FAR2: variants seen among roughly 807,000 people sequenced by gnomAD.
FAR2 encodes epididymis secretory protein Li 81.
FAR2 carries 19 observed loss-of-function variants against 56.0 expected under a neutral mutation model. The observed-to-expected ratio is 0.34, with a 90% CI of 0.24 to 0.50. The LOEUF (loss-of-function observed/expected upper bound fraction) is 0.50, where lower values mean the gene tolerates loss of function less well. Ranked by LOEUF, FAR2 falls within the 20% of genes least tolerant of loss-of-function variation. FAR2 has a pLI of 0.98. For synonymous variants in FAR2, 219 were observed against 218.8 expected (o/e 1.00, Z -0.01); for missense variants, 508 against 642.2 (o/e 0.79, Z 2.26).
chr12:29,321,639 G>C (rs1334684827), intron 9 of FAR2, among the ~76,000 whole-genome samples, 156 bp from the exon 10 acceptor site: 2 of 151,850 alleles, frequency 1.3e-5, no homozygotes, highest in African/African-American at 4.9e-5. Context: ...TGAATAGAGA[G>C]TTAATGTGGA....
intron 1 of FAR2, among the ~76,000 whole-genome samples, chr12:29,163,800 T>A (rs1213446520): frequency 6.6e-6 from 1 of 152,226 alleles, no homozygotes; most frequent in East Asian, 1.9e-4. Context: ...TTCCATCATT[T>A]TATTTCAGTG....
intron 10 of FAR2, among the ~76,000 whole-genome samples, chr12:29,326,145 A>T (rs1188130809): frequency 6.6e-6 from 1 of 152,156 alleles, no homozygotes; most frequent in Non-Finnish European, 1.5e-5. Flanking sequence ...TAAACTAGAA[A>T]ATCTAGAAGA....
At chr12:29,285,003 G>A (rs577314607) in intron 2 of FAR2, among the ~76,000 whole-genome samples, 29 of 152,092 alleles carry the variant, frequency 1.9e-4, no homozygotes, top group Middle Eastern at 6.8e-3. Context: ...CACCACGCCC[G>A]GCTAATTTTT....
intron 2 of FAR2, among the ~76,000 whole-genome samples, chr12:29,286,073 A>G (rs906348571): frequency 2.8e-4 from 43 of 151,244 alleles, no homozygotes; most frequent in Admixed American, 5.9e-4. Context: ...AGACACACAC[A>G]CACACACACA....
intron 1 of FAR2, among the ~76,000 whole-genome samples, chr12:29,210,077 G>A (rs1036404918): frequency 2.4e-4 from 37 of 151,982 alleles, no homozygotes; most frequent in African/African-American, 8.0e-4. Flanking sequence ...GTGTGGTGGC[G>A]TGCACCTGTA....
intron 2 of FAR2, chr12:29,292,415 T>C (rs1948984500): frequency 6.6e-6 from 1 of 152,192 alleles, no homozygotes; most frequent in South Asian, 2.1e-4. Flanking sequence ...GAGAAAATTA[T>C]ACAAATTTTA....
At chr12:29,307,970 A>G (rs2288126) in intron 5 of FAR2, 135 bp downstream of exon 5, 11,023 of 933,456 alleles carry the variant, frequency 0.012, 227 homozygotes, top group East Asian at 0.095. Flanking sequence ...TGAACCCATT[A>G]TACTAGGGCA....
In FAR2 at chr12:29,334,198, A is replaced by G. The variant is rs1448227902; in HGVS notation, c.*404A>G. On this transcript the variant is annotated 3_prime_UTR_variant, in exon 12 of 12. Coordinates refer to ENST00000536681, the MANE Select transcript of FAR2 (RefSeq NM_001271783.2). Reference sequence around the variant, plus strand: ...TACTAACCTTGGAACCATTCTGGGTACCCAAAAGAAAAATTTAAAATCAAG... The same window carrying G: ...TACTAACCTTGGAACCATTCTGGGTGCCCAAAAGAAAAATTTAAAATCAAG... 6.5e-6 allele frequency: 1 copy of G among 153,346 alleles called. No individual in the cohort carries two copies. Among genetic ancestry groups the G allele is most frequent in the Non-Finnish European group, 1.5e-5 (1 of 68,838 alleles). The allele number at this position is 153,346 out of a possible 1,614,324, so 9.5% of individuals were successfully genotyped here.
At chr12:29,250,750 A>G (rs1948195657) in intron 1 of FAR2, among the ~76,000 whole-genome samples, 1 of 152,200 alleles carries the variant, frequency 6.6e-6, no homozygotes, top group Non-Finnish European at 1.5e-5. Context: ...GAAGTCCTAC[A>G]TATAGTGAAT....
intron 1 of FAR2, among the ~76,000 whole-genome samples, chr12:29,261,336 A>G (rs543542418): frequency 5.9e-5 from 9 of 152,342 alleles, no homozygotes; most frequent in Non-Finnish European, 1.3e-4. Flanking sequence ...GATCCAGCAG[A>G]AGAAAGAACT....
At chr12:29,228,980 A>C (rs913090207) in intron 1 of FAR2, among the ~76,000 whole-genome samples, 1 of 152,186 alleles carries the variant, frequency 6.6e-6, no homozygotes, top group Non-Finnish European at 1.5e-5. Context: ...GCAGAAACCC[A>C]GCAATGTTCT....
chr12:29,165,775 C>G (rs1949820779), intron 1 of FAR2, among the ~76,000 whole-genome samples: 1 of 152,142 alleles, frequency 6.6e-6, no homozygotes, highest in Non-Finnish European at 1.5e-5. Flanking sequence ...AGGAAATTAG[C>G]TGTTGAGGTT....
At chr12:29,233,604 T>A (rs996673373) in intron 1 of FAR2, among the ~76,000 whole-genome samples, 8 of 152,240 alleles carry the variant, frequency 5.3e-5, no homozygotes, top group Non-Finnish European at 1.0e-4. Context: ...CATAGGTTAA[T>A]GCTTGAACTT....
At chr12:29,279,364 C>T (rs1948750546) in intron 2 of FAR2, among the ~76,000 whole-genome samples, 1 of 152,220 alleles carries the variant, frequency 6.6e-6, no homozygotes, top group Non-Finnish European at 1.5e-5. Flanking sequence ...TTGCCTTTAC[C>T]TCCCACACAT....
At chr12:29,171,829 G>A (rs1198278986) in intron 1 of FAR2, 1 of 152,012 alleles carries the variant, frequency 6.6e-6, no homozygotes, top group South Asian at 2.1e-4. Flanking sequence ...TAAGTGAAGA[G>A]TGTCTCTGCC....
intron 4 of FAR2, among the ~76,000 whole-genome samples, chr12:29,299,213 C>CAAAAAAAAAAAAAAAAAAAAAAAAAA (rs71042981): frequency 3.9e-5 from 4 of 103,570 alleles, no homozygotes; most frequent in African/African-American, 1.5e-4. Context: ...AACTTTGTCT[C>CAAAAAAAAAAAAAAAAAAAAAAAAAA]AAAAAAAAAA....
chr12:29,264,277 T>A (rs1364650432), intron 1 of FAR2, among the ~76,000 whole-genome samples: 1 of 152,140 alleles, frequency 6.6e-6, no homozygotes, highest in African/African-American at 2.4e-5. Context: ...TCAACATCCC[T>A]TTGTGATAAA....
In FAR2 at chr12:29,321,088, G is replaced by GTT. The variant is rs71444327; in HGVS notation, c.1128-694_1128-693dup. ...ACACAGAATAGGTTATCAACAAGAA[G>GTT]TTTTTTTTTTTTTTAATCTCCACTA... On this transcript the variant is annotated intron_variant, in intron 9 of 11. Coordinates refer to ENST00000536681, the MANE Select transcript of FAR2 (RefSeq NM_001271783.2). Among the ~76,000 whole-genome samples, 1,312 of 145,504 alleles carry GTT rather than the reference G, an allele frequency of 9.0e-3. 9 individuals carry two copies. The highest frequency in any genetic ancestry group is 0.036 in the South Asian group (165 of 4,550).
intron 10 of FAR2, chr12:29,331,930 AT>A (rs1949737341): frequency 6.6e-6 from 1 of 152,074 alleles, no homozygotes; most frequent in African/African-American, 2.4e-5. Context: ...TACCTTAAAA[AT>A]TTTTTAATCA....
Sources: gnomAD v4.1 joint callset for allele counts (sites outside exome capture counted in the v4.1 genomes callset) on GRCh38, gnomAD v4.1.1 for gene constraint, MANE v1.5 for transcripts, NCBI Gene and HGNC (gene_info 2026-07-23, HGNC 2026-07-21) for gene names.